The following KCNIP4 variants were observed in gnomAD, a reference collection of about 807,000 sequenced individuals.
KCNIP4 encodes potassium voltage-gated channel interacting protein 4.
KCNIP4 carries 12 observed loss-of-function variants against 34.0 expected under a neutral mutation model. The ratio of observed to expected loss-of-function variants is 0.35; its 90% CI spans 0.23 to 0.57. The LOEUF (loss-of-function observed/expected upper bound fraction) is 0.57. KCNIP4 is among the 20% of genes least tolerant of loss of function. The pLI, the probability that KCNIP4 is intolerant of heterozygous loss-of-function variation, is 0.83. For synonymous variants in KCNIP4, 124 were observed against 102.2 expected (o/e 1.21, Z -1.29); for missense variants, 238 against 311.7 (o/e 0.76, Z 1.78).
At chr4:21,770,908 A>ATT (rs1290432958) in intron 1 of KCNIP4, among the ~76,000 whole-genome samples, 1 of 152,102 alleles carries the variant, frequency 6.6e-6, no homozygotes, top group Non-Finnish European at 1.5e-5. Context: ...GTTCCCTCTG[A>ATT]TGATAGTTTC....
chr4:21,722,936 T>C (rs1024740372), intron 1 of KCNIP4, among the ~76,000 whole-genome samples: 1 of 152,166 alleles, frequency 6.6e-6, no homozygotes, highest in Admixed American at 6.5e-5. Context: ...AGATTCTCCG[T>C]GTTAACAACA....
chr4:21,406,164 G>A (rs1392618361), intron 1 of KCNIP4, among the ~76,000 whole-genome samples: 1 of 152,140 alleles, frequency 6.6e-6, no homozygotes, highest in African/African-American at 2.4e-5. Flanking sequence ...AAAGACAGAG[G>A]GGCCTTGCTC....
intron 1 of KCNIP4, among the ~76,000 whole-genome samples, chr4:21,687,710 A>G (rs1750923752): frequency 6.6e-6 from 1 of 152,098 alleles, no homozygotes; most frequent in Non-Finnish European, 1.5e-5. Flanking sequence ...TTTTACTCTC[A>G]AAAATGTCCT....
At chr4:21,764,662 T>A (rs1391658101) in intron 1 of KCNIP4, among the ~76,000 whole-genome samples, 3 of 152,038 alleles carry the variant, frequency 2.0e-5, no homozygotes, top group African/African-American at 7.2e-5. Flanking sequence ...TTGCTCCACA[T>A]CCCTGGAAGG....
At chr4:20,783,602 C>T (rs1284663582) in intron 3 of KCNIP4, among the ~76,000 whole-genome samples, 1 of 152,150 alleles carries the variant, frequency 6.6e-6, no homozygotes, top group Non-Finnish European at 1.5e-5. Flanking sequence ...TTTAAATTAG[C>T]TCCCACTGGG....
intron 1 of KCNIP4, among the ~76,000 whole-genome samples, chr4:21,079,069 C>T (rs541342974): frequency 1.4e-4 from 21 of 152,166 alleles, no homozygotes; most frequent in East Asian, 1.2e-3. Context: ...TTGAAAGTCA[C>T]GTGCCCCAAC....
chr4:21,015,005 G>A (rs61710404), intron 1 of KCNIP4, among the ~76,000 whole-genome samples: 2,811 of 152,182 alleles, frequency 0.018, 80 homozygotes, highest in African/African-American at 0.063. Flanking sequence ...AGTGAAATAA[G>A]CCAGACACAA....
intron 1 of KCNIP4, among the ~76,000 whole-genome samples, chr4:21,190,457 T>C (rs1238460834): frequency 8.6e-6 from 1 of 116,062 alleles, no homozygotes; most frequent in Admixed American, 7.8e-5. Flanking sequence ...ACACCTCCCT[T>C]ACCATTTGAA....
intron 1 of KCNIP4, among the ~76,000 whole-genome samples, chr4:21,561,297 A>T (rs1739471193): frequency 6.6e-6 from 1 of 152,042 alleles, no homozygotes; most frequent in African/African-American, 2.4e-5. Flanking sequence ...TCCAATGTGA[A>T]CAATAAAATC....
At chr4:21,927,252 C>T (rs1177423307) in intron 1 of KCNIP4, among the ~76,000 whole-genome samples, 3 of 152,098 alleles carry the variant, frequency 2.0e-5, no homozygotes, top group Non-Finnish European at 4.4e-5. Context: ...GATAATTGTC[C>T]CATATCAAGG....
At chr4:21,911,373 T>A (rs1728298912) in intron 1 of KCNIP4, among the ~76,000 whole-genome samples, 1 of 152,092 alleles carries the variant, frequency 6.6e-6, no homozygotes, top group Admixed American at 6.6e-5. Context: ...AGAAAACTGG[T>A]TAGAAGATTC....
intron 1 of KCNIP4, among the ~76,000 whole-genome samples, chr4:21,605,851 G>A (rs942592012): frequency 2.6e-5 from 4 of 152,088 alleles, no homozygotes; most frequent in Non-Finnish European, 5.9e-5. Flanking sequence ...ACCATTCCCT[G>A]ACCACCATCA....
chr4:21,689,828 T>C (rs1751119847), intron 1 of KCNIP4, among the ~76,000 whole-genome samples: 1 of 152,054 alleles, frequency 6.6e-6, no homozygotes, highest in African/African-American at 2.4e-5. Context: ...ATATTTGTTC[T>C]TCCTGAAGTT....
intron 1 of KCNIP4, among the ~76,000 whole-genome samples, chr4:21,896,841 C>A (rs1471312279): frequency 6.6e-6 from 1 of 151,884 alleles, no homozygotes; most frequent in Non-Finnish European, 1.5e-5. Context: ...ATTGCTTGAA[C>A]CCGGGAGATG....
rs1435133711 is a variant in KCNIP4 at position 20,730,142 on chromosome 4, AAC to A, written c.706-15_706-14del. On this transcript the variant is annotated splice_polypyrimidine_tract_variant and intron_variant, in intron 8 of 8. Coordinates refer to ENST00000382152, the MANE Select transcript of KCNIP4 (RefSeq NM_025221.6). ...TTATGTTTTCATCCTGTAAGGGAGA[AAC>A]ACAGAGCGATTAAATTCAGCATATC... 2 of 1,598,732 alleles carry A rather than the reference AAC, an allele frequency of 1.3e-6. No individual in the cohort carries two copies. The highest frequency in any genetic ancestry group is 1.1e-5 in the South Asian group (1 of 88,036).
intron 1 of KCNIP4, chr4:21,852,523 C>T (rs1055473746): frequency 2.6e-5 from 4 of 152,150 alleles, no homozygotes; most frequent in South Asian, 4.1e-4. Context: ...CTGAGAAACT[C>T]TATTTGTTAA....
At position 20,749,698 on chromosome 4, in the gene KCNIP4, T is replaced by C; in HGVS notation, c.393A>G (p.Ala131=). The C allele has an allele frequency of 5.6e-6, 9 of 1,610,156 alleles. No homozygotes were observed. Among genetic ancestry groups the C allele is most frequent in the Non-Finnish European group, 7.6e-6 (9 of 1,177,264 alleles). The change falls in exon 5 of 9, where the codon GCA becomes GCG. Residue 131 remains alanine (A), a synonymous_variant. Transcript: ENST00000382152. ...STTYAHFLFN[A]FDTDHNGAVS... is the part of the protein sequence containing the mutation. ...CAGCTCCATTGTGGTCTGTATCAAA[T>C]GCATTGAACAGAAAATGTGCATATG...
chr4:21,008,363 A>T (rs1738750377), intron 1 of KCNIP4, among the ~76,000 whole-genome samples: 1 of 152,186 alleles, frequency 6.6e-6, no homozygotes, highest in African/African-American at 2.4e-5. Flanking sequence ...ATTAAGTTTT[A>T]CCAGTGTTTC....
At chr4:21,103,347 CATATA>C (rs1482891211) in intron 1 of KCNIP4, among the ~76,000 whole-genome samples, 3 of 144,860 alleles carry the variant, frequency 2.1e-5, no homozygotes, top group Non-Finnish European at 4.5e-5. Context: ...ATATAATATA[CATATA>C]ATATATATAA....
Sources: allele counts gnomAD v4.1 joint callset (sites outside exome capture counted in the v4.1 genomes callset), GRCh38; gene constraint gnomAD v4.1.1; transcripts MANE v1.5; gene names NCBI Gene and HGNC (gene_info 2026-07-23, HGNC 2026-07-21).